Variants in ST7 observed in about 807,000 individuals in gnomAD.
ST7 encodes suppressor of tumorigenicity 7 protein.
Under a neutral mutation model 78.7 loss-of-function variants are expected in ST7, and 28 were observed. The observed-to-expected ratio is 0.36, with a 90% CI of 0.26 to 0.49. ST7 has a LOEUF of 0.49. Among genes scored for constraint, ST7 ranks in the 20% least tolerant of loss-of-function variants. The pLI is 0.99. For synonymous variants in ST7, 247 were observed against 249.6 expected (o/e 0.99, Z 0.10); for missense variants, 418 against 696.0 (o/e 0.60, Z 4.49).
intron 2 of ST7, among the ~76,000 whole-genome samples, chr7:117,105,978 T>C (rs952547372): frequency 3.4e-5 from 5 of 145,114 alleles, no homozygotes; most frequent in African/African-American, 5.5e-5. Flanking sequence ...GAAATGTTTT[T>C]TGTTTTTGTT....
intron 1 of ST7, among the ~76,000 whole-genome samples, chr7:117,062,289 C>T (rs768823024): frequency 3.3e-5 from 5 of 152,168 alleles, no homozygotes; most frequent in Non-Finnish European, 5.9e-5. Flanking sequence ...ACAGCTTCAA[C>T]GTAAGAATTT....
At chr7:117,004,360 A>G (rs1022870238) in intron 1 of ST7, among the ~76,000 whole-genome samples, 6 of 152,214 alleles carry the variant, frequency 3.9e-5, no homozygotes, top group African/African-American at 1.4e-4. Context: ...CTGGAGAGAA[A>G]GCATGAAATG....
chr7:117,128,017 GC>G, intron 3 of ST7, among the ~76,000 whole-genome samples: 1 of 151,834 alleles, frequency 6.6e-6, no homozygotes, highest in Admixed American at 6.6e-5. Context: ...CAAAATATTT[GC>G]CCTAGCCTTT....
intron 1 of ST7, among the ~76,000 whole-genome samples, chr7:116,971,831 C>T (rs1441961688): frequency 6.6e-6 from 1 of 152,216 alleles, no homozygotes. Context: ...TGTGGAATTA[C>T]TTGGAATGTT....
At position 117,031,452 on chromosome 7, in the gene ST7, A is replaced by G. The variant is rs202164212; in HGVS notation, c.152-68310A>G. ...TGCATATATATGCATATATGTGTGT[A>G]TATGTGCATATATATGCATATATGT... On this transcript the variant is annotated intron_variant, in intron 1 of 15. Coordinates refer to ENST00000323984, the MANE Select transcript of ST7 (RefSeq NM_001369598.1). 3.0e-5 allele frequency among the ~76,000 whole-genome samples: 4 copies of G among 131,622 alleles called. 2 individuals are homozygous for G. Among genetic ancestry groups the G allele is most frequent in the South Asian group, 4.5e-4 (2 of 4,480 alleles). 86.3% of individuals were successfully genotyped at this position (131,622 alleles called of 152,430 possible). A position where few individuals can be genotyped will look rare whatever the true frequency, so the allele number is the denominator to read the frequency against.
chr7:117,020,488 C>A, intron 1 of ST7: 2 of 1,223,594 alleles, frequency 1.6e-6, no homozygotes, highest in South Asian at 3.0e-5. Context: ...GGCTTCATGA[C>A]CCCTGCTGTG....
rs185650893 is a variant in ST7 at position 117,176,876 on chromosome 7, A to T, written c.1078+5900A>T. ...CCACAAAATTTGGCTGCATATTAGA[A>T]AGAAGATTTGGTATGCTGTCAGTTT... On this transcript the variant is annotated intron_variant, in intron 10 of 15. Coordinates refer to ENST00000323984, the MANE Select transcript of ST7 (RefSeq NM_001369598.1). 6.8e-4 allele frequency among the ~76,000 whole-genome samples: 103 copies of T among 152,330 alleles called. 1 individual carries two copies. Among genetic ancestry groups the T allele is most frequent in the African/African-American group, 2.4e-3 (98 of 41,586 alleles).
At chr7:117,141,007 T>C (rs1805242804) in intron 9 of ST7, among the ~76,000 whole-genome samples, 1 of 152,206 alleles carries the variant, frequency 6.6e-6, no homozygotes, top group Non-Finnish European at 1.5e-5. Context: ...CCTAATTTGT[T>C]TGGCTCCTCT....
rs575233133 is a variant in ST7, at chr7:117,149,973, T to C, written c.963+11441T>C. Among the ~76,000 whole-genome samples the C allele has an allele frequency of 1.1e-4, 17 of 152,308 alleles. No individual in the cohort carries two copies. The South Asian group carries it at 3.5e-3, about 32-fold the overall frequency. On this transcript the variant is annotated intron_variant, in intron 9 of 15. Coordinates refer to ENST00000323984, the MANE Select transcript of ST7 (RefSeq NM_001369598.1). ...GTGGTTCATTTCCTCCATGGAAAGA[T>C]CGTCAGGTCTTTTCCTTGTGGACTA...
chr7:116,981,828 GTGTAC>G (rs1255002761), intron 1 of ST7, among the ~76,000 whole-genome samples: 2 of 152,178 alleles, frequency 1.3e-5, no homozygotes, highest in East Asian at 1.9e-4. Context: ...TCCTTTTCAA[GTGTAC>G]TGTACTGTAC....
At chr7:117,140,456 A>C (rs902731712) in intron 9 of ST7, among the ~76,000 whole-genome samples, 2 of 152,192 alleles carry the variant, frequency 1.3e-5, no homozygotes, top group African/African-American at 4.8e-5. Flanking sequence ...GAATTAAATA[A>C]GATAATGTGA....
At chr7:117,130,224 A>G (rs1804233563) in intron 4 of ST7, among the ~76,000 whole-genome samples, 1 of 151,906 alleles carries the variant, frequency 6.6e-6, no homozygotes, top group Admixed American at 6.6e-5. Context: ...GAAAGTGTCT[A>G]TTCATAATAT....
At chr7:117,005,105 A>C (rs1280362506) in intron 1 of ST7, among the ~76,000 whole-genome samples, 2 of 152,158 alleles carry the variant, frequency 1.3e-5, no homozygotes, top group Admixed American at 6.5e-5. Flanking sequence ...CTTTTTTTTA[A>C]AGAAAGATAT....
chr7:116,962,596 G>A (rs1792887599), intron 1 of ST7, among the ~76,000 whole-genome samples: 1 of 152,182 alleles, frequency 6.6e-6, no homozygotes, highest in Non-Finnish European at 1.5e-5. Flanking sequence ...TTTGAGAAGT[G>A]TCTGTTCATA....
At chr7:117,132,086 A>G in intron 6 of ST7, 126 bp downstream of exon 6, 1 of 988,446 alleles carries the variant, frequency 1.0e-6, no homozygotes, top group Non-Finnish European at 1.5e-6. Flanking sequence ...GGGAGTTATT[A>G]CTCTATTTAA....
chr7:116,997,162 C>T (rs930016157), intron 1 of ST7, among the ~76,000 whole-genome samples: 1 of 152,138 alleles, frequency 6.6e-6, no homozygotes, highest in African/African-American at 2.4e-5. Flanking sequence ...CAGACCTTCG[C>T]AGTGAGTGTT....
chr7:117,151,793 G>C (rs954496706), intron 9 of ST7, among the ~76,000 whole-genome samples: 1 of 151,962 alleles, frequency 6.6e-6, no homozygotes, highest in Non-Finnish European at 1.5e-5. Flanking sequence ...CCAAATCCTC[G>C]TAAAACTCAA....
chr7:117,093,528 C>T (rs975942825), intron 1 of ST7, among the ~76,000 whole-genome samples: 5 of 152,058 alleles, frequency 3.3e-5, no homozygotes, highest in Non-Finnish European at 7.4e-5. Flanking sequence ...TAGTGAAACC[C>T]GCATCTCTAC....
intron 1 of ST7, among the ~76,000 whole-genome samples, chr7:117,000,940 G>A (rs1368855156): frequency 6.6e-6 from 1 of 152,200 alleles, no homozygotes; most frequent in Non-Finnish European, 1.5e-5. Context: ...CCAGACATCT[G>A]GTAGACATTC....
Sources: allele counts gnomAD v4.1 joint callset (sites outside exome capture counted in the v4.1 genomes callset), GRCh38; gene constraint gnomAD v4.1.1; transcripts MANE v1.5; gene names NCBI Gene and HGNC (gene_info 2026-07-23, HGNC 2026-07-21).